PLCB3: variants seen among roughly 807,000 people sequenced by gnomAD.
PLCB3 encodes the protein phospholipase C beta 3.
PLCB3 carries 54 observed loss-of-function variants against 152.1 expected under a neutral mutation model. The observed-to-expected ratio is 0.36, with a 90% CI of 0.29 to 0.45. PLCB3 has a LOEUF of 0.45. Ranked by LOEUF, PLCB3 falls within the 20% of genes least tolerant of loss-of-function variation. The pLI is 1.00. For synonymous variants in PLCB3, 717 were observed against 698.7 expected (o/e 1.03, Z -0.41); for missense variants, 1,248 against 1,687.5 (o/e 0.74, Z 4.56).
At chr11:64,252,541 T>G (rs749778703) in intron 1 of PLCB3, among the ~76,000 whole-genome samples, 15 of 151,944 alleles carry the variant, frequency 9.9e-5, no homozygotes, top group Non-Finnish European at 2.1e-4. Context: ...CGGCCTGAGC[T>G]TCCTCGCAGC....
At chr11:64,257,016 T>TTTTTTGTTTTTTTC (rs2031574155) in intron 10 of PLCB3, among the ~76,000 whole-genome samples, 1 of 120,588 alleles carries the variant, frequency 8.3e-6, no homozygotes, top group Non-Finnish European at 1.8e-5. Context: ...TTTTTTTTTT[T>TTTTTTGTTTTTTTC]TTTTTGAGAC....
rs193263245 is a variant in PLCB3, at chr11:64,258,804, C to T, written c.1254-81C>T. On this transcript the variant is annotated intron_variant, in intron 11 of 30. Transcript: ENST00000279230. This position sits in a 1 kb window ranked among gnomAD's most constrained non-coding sequence, Gnocchi z 7.2. ...GACTGCTCAGGGACCTCCAACCCTGCGAACGGCCACTGACATGTCCCGTAG... is the reference window on the plus strand; with the variant it reads ...GACTGCTCAGGGACCTCCAACCCTGTGAACGGCCACTGACATGTCCCGTAG... The T allele has an allele frequency of 3.4e-5, 54 of 1,600,146 alleles. No homozygotes were observed. Among genetic ancestry groups the T allele is most frequent in the Middle Eastern group, 1.7e-4 (1 of 6,048 alleles).
chr11:64,268,300 C>CT (rs1375964121), downstream of PLCB3, among the ~76,000 whole-genome samples: 1 of 152,234 alleles, frequency 6.6e-6, no homozygotes, highest in Non-Finnish European at 1.5e-5. Context: ...GCAGTTGACT[C>CT]TATCAGGTGA....
At chr11:64,260,004 C>T in intron 13 of PLCB3, 25 bp from the exon 14 acceptor site, 7 of 1,599,626 alleles carry the variant, frequency 4.4e-6, no homozygotes, top group Non-Finnish European at 6.0e-6. Flanking sequence ...CCTGACCCCT[C>T]ACCCTGTGGC....
rs768561148 is a variant in PLCB3 at position 64,255,816 on chromosome 11, G to A, written c.693G>A (p.Leu231=). 3.1e-6 allele frequency: 5 copies of A among 1,610,260 alleles called. No homozygotes were observed. The highest frequency in any genetic ancestry group is 2.2e-5 in the South Asian group (2 of 91,008). ...CLRPDIDKIL[L]EIGAKGKPYL... is the part of the protein sequence containing the mutation. ...GGCCGGACATTGACAAGATCCTGCT[G>A]GAGATGTGAGTGGGCCCGGCCTGCC... Residue 231 remains leucine (L), a synonymous_variant, in exon 8 of 31, where the codon CTG becomes CTA. Transcript: ENST00000279230. The surrounding 1 kb of genome is among the most constrained non-coding windows in gnomAD (Gnocchi z 6.8).
At position 64,255,783 on chromosome 11, in the gene PLCB3, G is replaced by A. The variant is rs1232948566; in HGVS notation, c.660G>A (p.Leu220=). 2.5e-5 allele frequency: 40 copies of A among 1,613,986 alleles called. No individual in the cohort carries two copies. The Admixed American group carries it at 6.7e-4, about 27-fold the overall frequency. ...LEIFERFLNK[L]CLRPDIDKIL... ...TCTTTGAGCGGTTCCTGAACAAGCTGTGTCTGCGGCCGGACATTGACAAGA... is the reference window on the plus strand; with the variant it reads ...TCTTTGAGCGGTTCCTGAACAAGCTATGTCTGCGGCCGGACATTGACAAGA... Residue 220 remains leucine, a synonymous_variant, in exon 8 of 31, where the codon CTG becomes CTA. Transcript: ENST00000279230. The surrounding 1 kb of genome is among the most constrained non-coding windows in gnomAD (Gnocchi z 6.8).
chr11:64,255,437 T>C lies in PLCB3; in HGVS notation c.509T>C (p.Ile170Thr), dbSNP rs1292600324. 6.2e-7 allele frequency: 1 copy of C among 1,614,140 alleles called. No individual in the cohort carries two copies. Among genetic ancestry groups the C allele is most frequent in the East Asian group, 2.2e-5 (1 of 44,882 alleles). The change falls in exon 6 of 31, where the codon ATC (isoleucine) becomes ACC (threonine). Residue 170 changes from isoleucine to threonine, a missense_variant. By Grantham distance (89) the Ile-to-Thr change is moderately conservative. Transcript: ENST00000279230. The surrounding 1 kb of genome is among the most constrained non-coding windows in gnomAD (Gnocchi z 6.8). Reference protein sequence around the residue: ...LKLQVNQDGRIPVKNILKMFS... With the variant: ...LKLQVNQDGRTPVKNILKMFS... ...CTGCAGGTGAACCAGGATGGTCGGA[T>C]CCCCGTCAAGAAGTGAGCACCCCTT...
At chr11:64,254,523 G>C in intron 2 of PLCB3, 31 bp downstream of exon 2, 2 of 1,600,618 alleles carry the variant, frequency 1.2e-6, no homozygotes, top group Middle Eastern at 3.3e-4. Flanking sequence ...AGCTCGCTCA[G>C]GCCAAGGACC....
rs2031422864 is a variant in PLCB3 at position 64,254,740 on chromosome 11, C to T, written c.178-8C>T. 1 of 1,611,506 alleles carries T rather than the reference C, an allele frequency of 6.2e-7. No homozygotes were observed. Among genetic ancestry groups the T allele is most frequent in the Non-Finnish European group, 8.5e-7 (1 of 1,179,100 alleles). ...CTCATACTCAGCCTGGCATCTGGTTCCCCCCAGGAGGTGGACACACTGGAC... is the reference window on the plus strand; with the variant it reads ...CTCATACTCAGCCTGGCATCTGGTTTCCCCCAGGAGGTGGACACACTGGAC... On this transcript the variant is annotated splice_region_variant and splice_polypyrimidine_tract_variant and intron_variant, in intron 2 of 30. Transcript: ENST00000279230.
chr11:64,259,134 G>A lies in PLCB3; in HGVS notation c.1415G>A (p.Arg472Gln), dbSNP rs749927988. The change falls in exon 13 of 31, where the codon CGA (arginine) becomes CAA (glutamine). Residue 472 changes from arginine (R) to glutamine (Q), a missense_variant. Coordinates refer to ENST00000279230, the MANE Select transcript of PLCB3 (RefSeq NM_000932.5). ...CTGGTGAAGAACAAGAAGCGGCACC[G>A]ACCCAGCGCAGGTGGCCCAGACAGC... ...RILVKNKKRH[R>Q]PSAGGPDSAG... is the part of the protein sequence containing the mutation. The A allele has an allele frequency of 1.2e-5, 20 of 1,611,554 alleles. No individual in the cohort carries two copies. Among genetic ancestry groups the A allele is most frequent in the East Asian group, 8.9e-5 (4 of 44,834 alleles).
rs1320110106 is a variant in PLCB3 at position 64,258,771 on chromosome 11, T to G, written c.1253+58T>G. ...CCGGGGGACAGTCTTCCAGCTTCAG[T>G]GCTGTTGGACTGCTCAGGGACCTCC... On this transcript the variant is annotated intron_variant, in intron 11 of 30. Coordinates refer to ENST00000279230, the MANE Select transcript of PLCB3 (RefSeq NM_000932.5). This position sits in a 1 kb window ranked among gnomAD's most constrained non-coding sequence, Gnocchi z 7.2. The G allele has an allele frequency of 2.5e-6, 4 of 1,608,472 alleles. No individual in the cohort carries two copies. Among genetic ancestry groups the G allele is most frequent in the Non-Finnish European group, 1.7e-6 (2 of 1,176,100 alleles).
chr11:64,262,262 T>C, intron 17 of PLCB3, 145 bp from the exon 18 acceptor site: 1 of 1,273,006 alleles, frequency 7.9e-7, no homozygotes, highest in Non-Finnish European at 1.1e-6. Flanking sequence ...CTGTCTGATC[T>C]GTCCTGGATC....
intron 19 of PLCB3, 192 bp from the exon 20 acceptor site, chr11:64,263,306 G>A (rs969375628): frequency 1.4e-5 from 8 of 572,380 alleles, no homozygotes; most frequent in African/African-American, 3.8e-5. Context: ...CCTGATGGCT[G>A]CAGTCATCCA....
Position 64,256,491 on chromosome 11 carries a change from G to T in PLCB3, c.814G>T (p.Ala272Ser). 1 of 1,613,860 alleles carries T rather than the reference G, an allele frequency of 6.2e-7. No individual in the cohort carries two copies. The highest frequency in any genetic ancestry group is 8.5e-7 in the Non-Finnish European group (1 of 1,180,006). ...GTACCCGCCCCTGCGGCCCTCCCAG[G>T]CCCGGCTGCTCATCGAAAAGTATGA... ...VLYPPLRPSQ[A>S]RLLIEKYEPN... Residue 272 changes from alanine (A) to serine (S), a missense_variant, in exon 9 of 31, where the codon GCC becomes TCC. Physicochemically the swap from Ala to Ser is moderately conservative, Grantham distance 99. Coordinates refer to ENST00000279230, the MANE Select transcript of PLCB3 (RefSeq NM_000932.5).
Position 64,267,214 on chromosome 11 carries a change from C to A in PLCB3, c.3444C>A (p.Asp1148Glu). The A allele has an allele frequency of 6.4e-7, 1 of 1,550,614 alleles. No individual in the cohort carries two copies. The highest frequency in any genetic ancestry group is 8.7e-7 in the Non-Finnish European group (1 of 1,146,980). ...RLEEAQKQRH[D>E]RLVAGQQQVL... is the part of the protein sequence containing the mutation. Reference sequence around the variant, plus strand: ...AGGAGGCCCAGAAGCAGCGGCATGACCGTCTTGTGGCTGGGCAGCAGCAGG... The same window carrying A: ...AGGAGGCCCAGAAGCAGCGGCATGAACGTCTTGTGGCTGGGCAGCAGCAGG... Residue 1148 changes from aspartate (D) to glutamate (E), a missense_variant, in exon 30 of 31, where the codon GAC (aspartate) becomes GAA (glutamate). Asp to Glu is a conservative substitution (Grantham distance 45, BLOSUM62 2). This residue lies in a region of PLCB3 where 477 missense variants were observed against 489.6 expected (regional missense o/e 0.97). Transcript: ENST00000279230. The surrounding 1 kb of genome is among the most constrained non-coding windows in gnomAD (Gnocchi z 5.2).
At chr11:64,265,744 C>T (rs2032083946) in intron 25 of PLCB3, 142 bp from the exon 26 acceptor site, 2 of 1,260,484 alleles carry the variant, frequency 1.6e-6, no homozygotes, top group African/African-American at 1.5e-5. Context: ...GTGGAGCTAA[C>T]AGGCCTCCTG....
At position 64,266,426 on chromosome 11, in the gene PLCB3, G is replaced by T; in HGVS notation, c.3356+22G>T. The stretch of plus-strand genomic sequence containing the variant: ...AGGCGTAAGGGCACCGGGACCGGGG[G>T]CCATCTGGGTACTGGGGAGGCAGGG... On this transcript the variant is annotated intron_variant, in intron 28 of 30. Transcript: ENST00000279230. This position sits in a 1 kb window ranked among gnomAD's most constrained non-coding sequence, Gnocchi z 4.9. 1 of 1,599,952 alleles carries T rather than the reference G, an allele frequency of 6.3e-7. No individual in the cohort carries two copies. The highest frequency in any genetic ancestry group is 1.1e-5 in the South Asian group (1 of 90,762).
Position 64,258,492 on chromosome 11 carries a change from C to T in PLCB3, c.1032C>T (p.Thr344=), listed in dbSNP as rs747343590. 3.7e-6 allele frequency: 6 copies of T among 1,613,224 alleles called. No individual in the cohort carries two copies. The highest frequency in any genetic ancestry group is 5.1e-6 in the Non-Finnish European group (6 of 1,179,812). Residue 344 remains threonine, a synonymous_variant, in exon 11 of 31, where the codon ACC becomes ACT. Transcript: ENST00000279230. The surrounding 1 kb of genome is among the most constrained non-coding windows in gnomAD (Gnocchi z 7.2). ...TYLTAGQLAG[T]SSVEMYRQAL... ...CCCCAGCGGGGCAGCTGGCTGGGAC[C>T]TCGTCGGTGGAGATGTACCGCCAGG...
rs758889092 is a variant in PLCB3, at chr11:64,262,822, C to T, written c.2355+14C>T. ...GACTTCCCCAAGGTGAGCCTGGCCC[C>T]TGCACCCGCCCAGGCACAGGCAGAT... On this transcript the variant is annotated intron_variant, in intron 19 of 30. Transcript: ENST00000279230. The T allele has an allele frequency of 7.5e-6, 12 of 1,610,646 alleles. No homozygotes were observed. The highest frequency in any genetic ancestry group is 1.0e-5 in the Non-Finnish European group (12 of 1,178,758).
Sources: allele counts gnomAD v4.1 joint callset (sites outside exome capture counted in the v4.1 genomes callset), GRCh38; gene constraint gnomAD v4.1.1; regional missense constraint gnomAD v4.1.1; non-coding constraint Gnocchi (gnomAD v3.1); transcripts MANE v1.5; gene names NCBI Gene and HGNC (gene_info 2026-07-23, HGNC 2026-07-21).